Variants in ZBTB20 observed in about 807,000 individuals in gnomAD.
The protein encoded by ZBTB20 is zinc finger and BTB domain-containing protein 20.
A neutral mutation model predicts 56.9 loss-of-function variants in ZBTB20; 9 were observed. The observed-to-expected ratio is 0.16, with a 90% confidence interval of 0.10 to 0.28. The LOEUF is 0.28. ZBTB20 is among the 10% of genes least tolerant of loss of function. ZBTB20 has a pLI of 1.00. For synonymous variants in ZBTB20, 417 were observed against 420.7 expected (o/e 0.99, Z 0.11); for missense variants, 655 against 1,003.0 (o/e 0.65, Z 4.69).
intron 6 of ZBTB20, among the ~76,000 whole-genome samples, chr3:114,581,335 A>C (rs546263367): frequency 6.4e-4 from 97 of 152,140 alleles, no homozygotes; most frequent in Non-Finnish European, 1.2e-3. Flanking sequence ...AAAATACAGA[A>C]AGGTAAATGA....
intron 11 of ZBTB20, among the ~76,000 whole-genome samples, 172 bp downstream of exon 11, chr3:114,350,102 T>C (rs536759418): frequency 6.6e-6 from 1 of 152,330 alleles, no homozygotes; most frequent in Non-Finnish European, 1.5e-5. Flanking sequence ...CAGGGTGCTT[T>C]GTTCTTATGA....
intron 6 of ZBTB20, among the ~76,000 whole-genome samples, chr3:114,598,202 A>G (rs1441899049): frequency 6.6e-6 from 1 of 152,124 alleles, no homozygotes; most frequent in African/African-American, 2.4e-5. Flanking sequence ...TTTCACATAC[A>G]TACACATAAA....
chr3:114,614,956 T>C (rs1265806008), intron 6 of ZBTB20, among the ~76,000 whole-genome samples: 5 of 152,098 alleles, frequency 3.3e-5, no homozygotes, highest in Admixed American at 6.5e-5. Flanking sequence ...CGAGGTTTCA[T>C]CATGTTGGCT....
rs1053420094 is a variant in ZBTB20 at position 114,593,544 on chromosome 3, A to G, written c.-294-93153T>C. The stretch of plus-strand genomic sequence containing the variant: ...GGATTACAGGCATGCGCCACCACAC[A>G]TGGCTAATTTTGTATTTTTAGTAGA... On this transcript the variant is annotated intron_variant, in intron 6 of 11. Coordinates refer to ENST00000675478, the MANE Select transcript of ZBTB20 (RefSeq NM_001348800.3). 9.9e-5 allele frequency among the ~76,000 whole-genome samples: 15 copies of G among 151,762 alleles called. 1 individual carries two copies. Among genetic ancestry groups the G allele is most frequent in the African/African-American group, 3.1e-4 (13 of 41,378 alleles).
intron 2 of ZBTB20, among the ~76,000 whole-genome samples, chr3:115,014,709 G>A (rs116493405): frequency 0.04 from 6,071 of 151,784 alleles, 162 homozygotes; most frequent in Middle Eastern, 0.099. Context: ...ACTAGTTAAC[G>A]TAGAAGGGTT....
chr3:115,125,263 AGC>A, intron 1 of ZBTB20, among the ~76,000 whole-genome samples: 1 of 152,074 alleles, frequency 6.6e-6, no homozygotes, highest in Middle Eastern at 3.4e-3. Context: ...TGATCCCCTG[AGC>A]CCAGGAGGTC....
At chr3:114,343,639 C>T (rs568834055) in intron 11 of ZBTB20, among the ~76,000 whole-genome samples, 43 of 152,286 alleles carry the variant, frequency 2.8e-4, no homozygotes, top group African/African-American at 6.7e-4. Flanking sequence ...CATCAAGACA[C>T]GACCAGAAAA....
chr3:114,650,806 GA>G (rs1451038105), intron 6 of ZBTB20, among the ~76,000 whole-genome samples: 1 of 151,860 alleles, frequency 6.6e-6, no homozygotes, highest in Non-Finnish European at 1.5e-5. Context: ...ATGAAAATAA[GA>G]AAATTGGTAC....
Position 114,684,333 on chromosome 3 carries a change from T to C in ZBTB20, c.-295+9195A>G, listed in dbSNP as rs184443041. The stretch of plus-strand genomic sequence containing the variant: ...CAGCATTTTGCCATAATGGGGCCTA[T>C]TGAAAATTTTTCTGACATTCTGAAT... On this transcript the variant is annotated intron_variant, in intron 6 of 11. Transcript: ENST00000675478. 3.9e-4 allele frequency among the ~76,000 whole-genome samples: 59 copies of C among 152,322 alleles called. 2 individuals carry two copies. Among genetic ancestry groups the C allele is most frequent in the Admixed American group, 1.2e-3 (19 of 15,292 alleles).
chr3:114,448,770 G>T (rs2091426787), intron 7 of ZBTB20, among the ~76,000 whole-genome samples: 1 of 152,106 alleles, frequency 6.6e-6, no homozygotes, highest in South Asian at 2.1e-4. Context: ...ATATAAATGG[G>T]TGTTAAGTAT....
intron 7 of ZBTB20, among the ~76,000 whole-genome samples, chr3:114,461,556 T>G (rs1474115022): frequency 2.6e-5 from 4 of 152,194 alleles, no homozygotes; most frequent in African/African-American, 9.6e-5. Flanking sequence ...TCCTCCCACT[T>G]GGGCCTCCTA....
At chr3:114,830,031 C>T (rs1358987567) in intron 4 of ZBTB20, among the ~76,000 whole-genome samples, 1 of 151,912 alleles carries the variant, frequency 6.6e-6, no homozygotes, top group Non-Finnish European at 1.5e-5. Flanking sequence ...TTTTCATACT[C>T]ATTAAAATGT....
chr3:115,084,178 C>T (rs565652103), intron 1 of ZBTB20, among the ~76,000 whole-genome samples: 16 of 150,158 alleles, frequency 1.1e-4, no homozygotes, highest in South Asian at 4.2e-4. Flanking sequence ...ATCATCCTTA[C>T]GATGTTTACA....
At chr3:114,589,171 A>G (rs2055489882) in intron 6 of ZBTB20, among the ~76,000 whole-genome samples, 1 of 152,178 alleles carries the variant, frequency 6.6e-6, no homozygotes, top group South Asian at 2.1e-4. Context: ...CCATATCATA[A>G]TCTATCTTTC....
intron 1 of ZBTB20, among the ~76,000 whole-genome samples, chr3:115,103,935 T>C (rs1016864582): frequency 9.9e-5 from 15 of 152,278 alleles, no homozygotes; most frequent in African/African-American, 3.6e-4. Context: ...AAGAAAATAT[T>C]TGCAAAAGAT....
intron 7 of ZBTB20, among the ~76,000 whole-genome samples, chr3:114,450,427 C>T (rs987114190): frequency 5.3e-5 from 8 of 152,086 alleles, no homozygotes; most frequent in South Asian, 2.1e-4. Context: ...TTTTGTTGAA[C>T]GAAAAATAGT....
chr3:114,367,837 T>C, intron 10 of ZBTB20, among the ~76,000 whole-genome samples: 1 of 152,032 alleles, frequency 6.6e-6, no homozygotes, highest in Non-Finnish European at 1.5e-5. Flanking sequence ...TGGAGAAACT[T>C]CCCAGTCTAT....
chr3:115,000,996 T>A (rs1207913750), intron 2 of ZBTB20, among the ~76,000 whole-genome samples: 1 of 151,162 alleles, frequency 6.6e-6, no homozygotes, highest in African/African-American at 2.4e-5. Context: ...AGCAAAATCT[T>A]TCATCTGATA....
At chr3:114,359,961 A>C (rs1051587250) in intron 10 of ZBTB20, among the ~76,000 whole-genome samples, 1 of 152,216 alleles carries the variant, frequency 6.6e-6, no homozygotes, top group Non-Finnish European at 1.5e-5. Context: ...TCAAAGATTC[A>C]GTATAACTCT....
Sources: gnomAD v4.1 joint callset for allele counts (sites outside exome capture counted in the v4.1 genomes callset) on GRCh38, gnomAD v4.1.1 for gene constraint, MANE v1.5 for transcripts, NCBI Gene and HGNC (gene_info 2026-07-23, HGNC 2026-07-21) for gene names.